Variants in CDK14 observed in about 807,000 individuals in gnomAD.
CDK14 encodes cyclin-dependent kinase 14.
Under a neutral mutation model 60.7 loss-of-function variants are expected in CDK14, and 34 were observed. The ratio of observed to expected loss-of-function variants is 0.56; its 90% CI spans 0.43 to 0.75. The LOEUF is 0.75. CDK14 is among the 30% of genes least tolerant of loss of function. The probability of loss-of-function intolerance (pLI) is 0.00; values close to 1 mark genes in which losing one functional copy is unlikely to be tolerated. For synonymous variants in CDK14, 197 were observed against 203.7 expected, an observed-to-expected ratio of 0.97 and a Z score of 0.28; for missense variants, 482 against 564.1, an observed-to-expected ratio of 0.85 and a Z score of 1.47.
At chr7:90,716,345 G>A (rs901312666) in intron 2 of CDK14, 1 of 152,014 alleles carries the variant, frequency 6.6e-6, no homozygotes, top group African/African-American at 2.4e-5. Context: ...TCTAGATCCT[G>A]AGGTGACTTC....
chr7:90,670,449 A>G (rs578133880), intron 2 of CDK14, among the ~76,000 whole-genome samples: 2 of 152,310 alleles, frequency 1.3e-5, no homozygotes, highest in South Asian at 4.1e-4. Context: ...GTGTTAGACT[A>G]TTCTTGCATT....
intron 4 of CDK14, among the ~76,000 whole-genome samples, chr7:90,782,372 T>C (rs989465878): frequency 6.6e-6 from 1 of 152,116 alleles, no homozygotes; most frequent in Non-Finnish European, 1.5e-5. Flanking sequence ...ACAGGGACAA[T>C]TTGACTTCCT....
At position 90,926,793 on chromosome 7, in the gene CDK14, C is replaced by T. The variant is rs117617132; in HGVS notation, c.826+9069C>T. Among the ~76,000 whole-genome samples the T allele has an allele frequency of 5.7e-3, 872 of 152,288 alleles. 22 individuals carry two copies. The highest frequency in any genetic ancestry group is 0.035 in the East Asian group (183 of 5,170). ...AGGGCTTAGTCTGCAAGACTACCTC[C>T]GCTTTGAATGCCAGTTGCAAGTCCT... On this transcript the variant is annotated intron_variant, in intron 8 of 14. Transcript: ENST00000380050.
At chr7:90,981,279 A>G (rs1164698375) in intron 9 of CDK14, among the ~76,000 whole-genome samples, 3 of 152,242 alleles carry the variant, frequency 2.0e-5, no homozygotes, top group East Asian at 1.9e-4. Context: ...TTGCATTCTA[A>G]TATCTTAATA....
chr7:90,683,896 A>ATG (rs1801374583), intron 2 of CDK14, among the ~76,000 whole-genome samples: 2 of 110,382 alleles, frequency 1.8e-5, no homozygotes, highest in African/African-American at 7.1e-5. Flanking sequence ...TAGAAAATGT[A>ATG]CGTGTGTGTG....
chr7:90,668,696 ATTCTT>A (rs1213792939), intron 2 of CDK14, among the ~76,000 whole-genome samples: 3 of 68,450 alleles, frequency 4.4e-5, no homozygotes, highest in African/African-American at 6.0e-5. Flanking sequence ...AAGGACTCGC[ATTCTT>A]TTTTTTTTTT....
At chr7:90,703,014 G>GTTT (rs36009289) in intron 2 of CDK14, among the ~76,000 whole-genome samples, 3 of 147,526 alleles carry the variant, frequency 2.0e-5, no homozygotes, top group Admixed American at 6.7e-5. Context: ...TGTTGTTGTT[G>GTTT]TTTTGTTTTT....
intron 5 of CDK14, among the ~76,000 whole-genome samples, chr7:90,804,829 T>G (rs1244156608): frequency 1.3e-5 from 2 of 152,160 alleles, no homozygotes; most frequent in Non-Finnish European, 2.9e-5. Flanking sequence ...CTTTTATATT[T>G]AAGACATTTT....
chr7:91,020,553 T>A (rs1796407187), intron 10 of CDK14, among the ~76,000 whole-genome samples: 1 of 152,038 alleles, frequency 6.6e-6, no homozygotes, highest in Non-Finnish European at 1.5e-5. Flanking sequence ...TAAGGAAAAA[T>A]TAAGACAAGC....
rs185924460 is a variant in CDK14, at chr7:91,206,034, T to C, written c.*29-1131T>C. 2.0e-5 allele frequency among the ~76,000 whole-genome samples: 3 copies of C among 152,262 alleles called. No homozygotes were observed. The East Asian group carries it at 5.8e-4, about 29-fold the overall frequency. ...TGGTCTCCATCTCCTGACCTCGTGATCTGCCCGTCTCGGCCTCCCAAAGTG... is the reference window on the plus strand; with the variant it reads ...TGGTCTCCATCTCCTGACCTCGTGACCTGCCCGTCTCGGCCTCCCAAAGTG... On this transcript the variant is annotated intron_variant, in intron 14 of 14. Coordinates refer to ENST00000380050, the MANE Select transcript of CDK14 (RefSeq NM_001287135.2).
intron 11 of CDK14, among the ~76,000 whole-genome samples, chr7:91,046,518 CT>C (rs1046977353): frequency 6.6e-6 from 1 of 151,642 alleles, no homozygotes; most frequent in African/African-American, 2.4e-5. Context: ...GTAAGTTGTC[CT>C]TTTTTTTCAC....
intron 12 of CDK14, among the ~76,000 whole-genome samples, chr7:91,094,428 T>G (rs570757069): frequency 6.6e-6 from 1 of 152,236 alleles, no homozygotes; most frequent in African/African-American, 2.4e-5. Flanking sequence ...GGAGAAGTGG[T>G]AATAGTGCAG....
chr7:90,609,283 C>T (rs1799486747), intron 2 of CDK14, among the ~76,000 whole-genome samples: 1 of 152,098 alleles, frequency 6.6e-6, no homozygotes, highest in Non-Finnish European at 1.5e-5. Context: ...TCTCAGCCTC[C>T]TAAAGTGTTG....
chr7:90,924,191 C>A (rs117898979), intron 8 of CDK14, among the ~76,000 whole-genome samples: 2,426 of 152,330 alleles, frequency 0.016, 32 homozygotes, highest in Non-Finnish European at 0.027. Flanking sequence ...TCTGCAGAGT[C>A]CTGAGGCGGT....
intron 4 of CDK14, among the ~76,000 whole-genome samples, chr7:90,750,343 G>A (rs1457484533): frequency 3.9e-5 from 6 of 152,118 alleles, no homozygotes; most frequent in Non-Finnish European, 7.4e-5. Context: ...TCTTGGCACC[G>A]CTGAAGGATC....
intron 7 of CDK14, among the ~76,000 whole-genome samples, chr7:90,911,943 T>A (rs1792915806): frequency 6.6e-6 from 1 of 152,178 alleles, no homozygotes; most frequent in South Asian, 2.1e-4. Flanking sequence ...AATATGCTGC[T>A]TCCTGCTGGG....
At chr7:90,955,580 C>A in intron 8 of CDK14, 117 bp from the exon 9 acceptor site, 1 of 1,111,364 alleles carries the variant, frequency 9.0e-7, no homozygotes. Context: ...TGATACTGCA[C>A]TCCTGATTCT....
At chr7:91,072,621 T>C (rs1342462750) in intron 11 of CDK14, among the ~76,000 whole-genome samples, 1 of 152,070 alleles carries the variant, frequency 6.6e-6, no homozygotes, top group Non-Finnish European at 1.5e-5. Context: ...CCTCTACTCC[T>C]TCAAACGATC....
intron 6 of CDK14, among the ~76,000 whole-genome samples, chr7:90,878,336 A>G (rs1032692221): frequency 6.6e-6 from 1 of 152,072 alleles, no homozygotes; most frequent in African/African-American, 2.4e-5. Flanking sequence ...GGCTTCCTAT[A>G]TCTGGTGACT....
Sources: allele counts gnomAD v4.1 joint callset (sites outside exome capture counted in the v4.1 genomes callset), GRCh38; gene constraint gnomAD v4.1.1; transcripts MANE v1.5; gene names NCBI Gene and HGNC (gene_info 2026-07-23, HGNC 2026-07-21).